Variants in SERINC3 observed in about 807,000 individuals in gnomAD.
The protein encoded by SERINC3 is tumor differentially expressed protein 1.
Under a neutral mutation model 52.1 loss-of-function variants are expected in SERINC3, and 22 were observed. That is an observed-to-expected ratio of 0.42 (90% CI 0.30 to 0.60). The LOEUF is 0.60. SERINC3 is among the 20% of genes least tolerant of loss of function. The probability of loss-of-function intolerance (pLI) is 0.16; values close to 1 mark genes in which losing one functional copy is unlikely to be tolerated. For synonymous variants in SERINC3, 226 were observed against 212.7 expected (o/e 1.06, Z -0.54); for missense variants, 564 against 584.6 (o/e 0.96, Z 0.36).
rs543599367 is a variant in SERINC3 at position 44,507,830 on chromosome 20, C to T, written c.614-834G>A. ...GTTGCAGTGAGCCGAGATGGTGCCA[C>T]TGCACTCCAGCCTGGACAACAGAAC... is the stretch of plus-strand genomic sequence containing the variant. On this transcript the variant is annotated intron_variant, in intron 5 of 9. Coordinates refer to ENST00000342374, the MANE Select transcript of SERINC3 (RefSeq NM_006811.4). Among the ~76,000 whole-genome samples the T allele has an allele frequency of 2.0e-5, 3 of 152,322 alleles. No individual in the cohort carries two copies. In the South Asian group the frequency reaches 6.2e-4, roughly 32 times the overall value.
At chr20:44,496,935 C>T (rs1220839172), downstream of SERINC3, among the ~76,000 whole-genome samples, 1 of 152,138 alleles carries the variant, frequency 6.6e-6, no homozygotes, top group African/African-American at 2.4e-5. Flanking sequence ...CTTTGATTAC[C>T]AAGAGAAAGT....
At position 44,511,365 on chromosome 20, in the gene SERINC3, AAACCT is replaced by A; in HGVS notation, c.396-2_398del. The A allele has an allele frequency of 6.2e-7, 1 of 1,602,872 alleles. No individual in the cohort carries two copies. Among genetic ancestry groups the A allele is most frequent in the African/African-American group, 1.3e-5 (1 of 74,774 alleles). ...TAAGGGCAGCAATTTTGAAGAACCA[AAACCT>A]ATTAAAATATAAAAATGCATTTATG... On this transcript the variant is annotated splice_acceptor_variant and coding_sequence_variant, in exon 4 of 10. Coordinates refer to ENST00000342374, the MANE Select transcript of SERINC3 (RefSeq NM_006811.4). LOFTEE classifies it high-confidence loss of function.
chr20:44,521,650 A>C (rs913108715), intron 1 of SERINC3, among the ~76,000 whole-genome samples: 1 of 152,240 alleles, frequency 6.6e-6, no homozygotes, highest in Admixed American at 6.5e-5. Context: ...GAACCTAGTC[A>C]GGAAGCCTCG....
rs1032663920 is a variant in SERINC3 at position 44,498,074 on chromosome 20, G to A, written c.*2222C>T. 13 of 152,126 alleles carry A rather than the reference G, an allele frequency of 8.5e-5. No individual in the cohort carries two copies. Among genetic ancestry groups the A allele is most frequent in the Admixed American group, 2.6e-4 (4 of 15,264 alleles). 9.4% of individuals were successfully genotyped at this position (152,126 alleles called of 1,614,324 possible). A position where few individuals can be genotyped will look rare whatever the true frequency, so the allele number is the denominator to read the frequency against. On this transcript the variant is annotated 3_prime_UTR_variant, in exon 10 of 10. Coordinates refer to ENST00000342374, the MANE Select transcript of SERINC3 (RefSeq NM_006811.4). Reference sequence around the variant, plus strand: ...CTGACAAGTTTGATAGCCAGAAAACGGCAAAGCTGGGATGCAAACCCAAGC... The same window carrying A: ...CTGACAAGTTTGATAGCCAGAAAACAGCAAAGCTGGGATGCAAACCCAAGC...
At chr20:44,507,257 T>C (rs1057389845) in intron 5 of SERINC3, among the ~76,000 whole-genome samples, 23 of 152,194 alleles carry the variant, frequency 1.5e-4, no homozygotes, top group African/African-American at 5.5e-4. Flanking sequence ...TACCAGACAT[T>C]TGATCATTCC....
At position 44,503,993 on chromosome 20, in the gene SERINC3, G is replaced by T. The variant is rs948468663; in HGVS notation, c.877C>A (p.Arg293Ser). 1.3e-6 allele frequency: 2 copies of T among 1,569,142 alleles called. No homozygotes were observed. The highest frequency in any genetic ancestry group is 1.7e-6 in the Non-Finnish European group (2 of 1,166,618). Reference sequence around the variant, plus strand: ...CTCATCAGGTTGGGATTGCAGGAACGATCTGAAAATGAGAAAATTTGTATT... The same window carrying T: ...CTCATCAGGTTGGGATTGCAGGAACTATCTGAAAATGAGAAAATTTGTATT... The part of the protein sequence containing the change: ...TWSAMSNEPD[R>S]SCNPNLMSFI... Residue 293 changes from arginine (R) to serine (S), a missense_variant and splice_region_variant, in exon 8 of 10, where the codon CGT becomes AGT. Coordinates refer to ENST00000342374, the MANE Select transcript of SERINC3 (RefSeq NM_006811.4).
intron 7 of SERINC3, 76 bp downstream of exon 7, chr20:44,504,725 T>C (rs1471418401): frequency 3.3e-6 from 4 of 1,227,256 alleles, no homozygotes; most frequent in Non-Finnish European, 4.7e-6. Flanking sequence ...CTAGCTCTAG[T>C]TTTTGTACCA....
chr20:44,520,985 T>TATCTACA (rs1171217136), intron 1 of SERINC3, among the ~76,000 whole-genome samples: 6 of 152,204 alleles, frequency 3.9e-5, no homozygotes, highest in African/African-American at 1.4e-4. Context: ...GATTTGATGC[T>TATCTACA]ATCTCCAAGT....
chr20:44,501,867 A>T (rs2064281949), intron 8 of SERINC3, among the ~76,000 whole-genome samples: 1 of 152,264 alleles, frequency 6.6e-6, no homozygotes, highest in South Asian at 2.1e-4. Flanking sequence ...TGACTGAATA[A>T]AAATGTAAAT....
rs1036000950 is a variant in SERINC3 at position 44,522,020 on chromosome 20, G to A, written c.-69C>T. 2.7e-6 allele frequency: 4 copies of A among 1,472,816 alleles called. No homozygotes were observed. In the African/African-American group the frequency reaches 5.6e-5, roughly 21 times the overall value. The allele number at this position is 1,472,816 out of a possible 1,614,324, so 91.2% of individuals were successfully genotyped here. A position where few individuals can be genotyped will look rare whatever the true frequency, so the allele number is the denominator to read the frequency against. On this transcript the variant is annotated 5_prime_UTR_variant, in exon 1 of 10. Transcript: ENST00000342374. ...TAACACGGTGGTAACTGCCAGCTGAGGTGACTCCCCAGAAACATGACGGTT... is the reference window on the plus strand; with the variant it reads ...TAACACGGTGGTAACTGCCAGCTGAAGTGACTCCCCAGAAACATGACGGTT...
chr20:44,497,412 T>A (rs961075851), downstream of SERINC3: 2 of 152,216 alleles, frequency 1.3e-5, no homozygotes, highest in Non-Finnish European at 2.9e-5. Context: ...TAAAGAGCAT[T>A]TGTTACTTCA....
chr20:44,500,983 C>T (rs989974252), intron 9 of SERINC3, 90 bp downstream of exon 9: 1 of 895,472 alleles, frequency 1.1e-6, no homozygotes, highest in African/African-American at 1.6e-5. Context: ...TGGGTAAGAG[C>T]AAGGGTTCTG....
intron 8 of SERINC3, among the ~76,000 whole-genome samples, chr20:44,503,090 T>C (rs1207233121): frequency 6.6e-6 from 1 of 152,160 alleles, no homozygotes; most frequent in East Asian, 1.9e-4. Context: ...ATTAAAGACC[T>C]AAATAAATGG....
At chr20:44,513,194 A>C (rs1294010135) in intron 2 of SERINC3, among the ~76,000 whole-genome samples, 200 bp from the exon 3 acceptor site, 1 of 152,156 alleles carries the variant, frequency 6.6e-6, no homozygotes, top group African/African-American at 2.4e-5. Flanking sequence ...AAAAATAAAA[A>C]TGCTCTCTCG....
At chr20:44,510,088 A>G in intron 4 of SERINC3, 60 bp from the exon 5 acceptor site, 1 of 1,481,822 alleles carries the variant, frequency 6.7e-7, no homozygotes, top group East Asian at 2.3e-5. Context: ...CAGAAGATCC[A>G]ACATTCTGAA....
rs187134695 is a variant in SERINC3, at chr20:44,507,015, A to G, written c.614-19T>C. 1.7e-4 allele frequency: 264 copies of G among 1,578,702 alleles called. No homozygotes were observed. In the African/African-American group the frequency reaches 3.1e-3, roughly 18 times the overall value. ...AGTAAAGCTGGAGAAAGGGAAACCA[A>G]TATGAATGACCACAACTATAATAAA... On this transcript the variant is annotated intron_variant, in intron 5 of 9. Coordinates refer to ENST00000342374, the MANE Select transcript of SERINC3 (RefSeq NM_006811.4).
At chr20:44,521,645 T>TA (rs1334005490) in intron 1 of SERINC3, among the ~76,000 whole-genome samples, 1 of 152,230 alleles carries the variant, frequency 6.6e-6, no homozygotes, top group Non-Finnish European at 1.5e-5. Flanking sequence ...CAGAGGAACC[T>TA]AGTCAGGAAG....
chr20:44,505,234 T>C (rs1248174323), intron 6 of SERINC3, among the ~76,000 whole-genome samples: 1 of 152,248 alleles, frequency 6.6e-6, no homozygotes, highest in Non-Finnish European at 1.5e-5. Flanking sequence ...TCTTTGAGAC[T>C]TCTGTTTTCT....
chr20:44,512,325 CAAAAAAAAAA>C (rs920134707), intron 3 of SERINC3, among the ~76,000 whole-genome samples: 1 of 49,346 alleles, frequency 2.0e-5, no homozygotes, highest in South Asian at 5.8e-4. Flanking sequence ...AAAAACAAAA[CAAAAAAAAAA>C]AAAAAAAAAG....
Sources: gnomAD v4.1 joint callset for allele counts (sites outside exome capture counted in the v4.1 genomes callset) on GRCh38, gnomAD v4.1.1 for gene constraint, MANE v1.5 for transcripts, NCBI Gene and HGNC (gene_info 2026-07-23, HGNC 2026-07-21) for gene names.